Variants in FAR1 observed in about 807,000 individuals in gnomAD.
FAR1 encodes male sterility domain-containing protein 2.
FAR1 carries 22 observed loss-of-function variants against 61.1 expected under a neutral mutation model. The ratio of observed to expected loss-of-function variants is 0.36; its 90% CI spans 0.26 to 0.51. The LOEUF (loss-of-function observed/expected upper bound fraction) is 0.51. Among genes scored for constraint, FAR1 ranks in the 20% least tolerant of loss-of-function variants. FAR1 has a pLI of 0.95. For synonymous variants in FAR1, 206 were observed against 209.7 expected (o/e 0.98, Z 0.15); for missense variants, 359 against 626.9 (o/e 0.57, Z 4.56).
Position 13,691,489 on chromosome 11 carries a change from C to T in FAR1, c.-7-3270C>T, listed in dbSNP as rs539601919. On this transcript the variant is annotated intron_variant, in intron 1 of 11. Transcript: ENST00000354817. ...TCTAGTTCCAAAACATTTCATCATTCGAAAGTAAAACTCCTTAAGCAGTTT... is the reference window on the plus strand; with the variant it reads ...TCTAGTTCCAAAACATTTCATCATTTGAAAGTAAAACTCCTTAAGCAGTTT... Among the ~76,000 whole-genome samples the T allele has an allele frequency of 3.3e-5, 5 of 152,232 alleles. No homozygotes were observed. The East Asian group carries it at 5.8e-4, about 18-fold the overall frequency.
At chr11:13,693,890 T>C (rs1161689569) in intron 1 of FAR1, among the ~76,000 whole-genome samples, 1 of 152,192 alleles carries the variant, frequency 6.6e-6, no homozygotes, top group Non-Finnish European at 1.5e-5. Flanking sequence ...TGGACATAAA[T>C]CACATGTATC....
chr11:13,703,110 TCAGA>T (rs911328221), intron 3 of FAR1, among the ~76,000 whole-genome samples: 13 of 152,214 alleles, frequency 8.5e-5, no homozygotes, highest in Non-Finnish European at 1.5e-4. Flanking sequence ...TAGGTTTGGG[TCAGA>T]CACTCTATAA....
intron 2 of FAR1, among the ~76,000 whole-genome samples, chr11:13,695,356 C>T (rs1168537971): frequency 6.6e-6 from 1 of 152,066 alleles, no homozygotes; most frequent in Non-Finnish European, 1.5e-5. Flanking sequence ...CACTTACTCC[C>T]CCACAACAGT....
chr11:13,711,676 T>C, intron 5 of FAR1, 88 bp from the exon 6 acceptor site: 1 of 962,240 alleles, frequency 1.0e-6, no homozygotes, highest in Admixed American at 2.2e-5. Flanking sequence ...CTACCAAGTA[T>C]ATATTTGGGG....
Position 13,722,740 on chromosome 11 carries a change from G to A in FAR1, c.1257+881G>A, listed in dbSNP as rs572668473. 3.9e-5 allele frequency among the ~76,000 whole-genome samples: 6 copies of A among 152,086 alleles called. No individual in the cohort carries two copies. The South Asian group carries it at 1.2e-3, about 32-fold the overall frequency. ...GATCTGCCCACCTCAGCCTCCCCAA[G>A]TGCTGGGATTACAGGCGTGAGCCAT... On this transcript the variant is annotated intron_variant, in intron 10 of 11. Coordinates refer to ENST00000354817, the MANE Select transcript of FAR1 (RefSeq NM_032228.6).
intron 2 of FAR1, among the ~76,000 whole-genome samples, chr11:13,699,830 T>C (rs1253987949): frequency 1.3e-5 from 2 of 152,226 alleles, no homozygotes; most frequent in East Asian, 3.8e-4. Context: ...TTTTCCTTTT[T>C]AAAAATTTGT....
chr11:13,709,389 G>A (rs773812545), intron 4 of FAR1, among the ~76,000 whole-genome samples: 2 of 151,970 alleles, frequency 1.3e-5, no homozygotes, highest in African/African-American at 4.8e-5. Flanking sequence ...TAATATCTGC[G>A]GGAAAAGTTG....
At chr11:13,712,162 G>T in intron 7 of FAR1, 116 bp downstream of exon 7, 1 of 734,632 alleles carries the variant, frequency 1.4e-6, no homozygotes, top group South Asian at 1.7e-5. Flanking sequence ...CAATATTTAG[G>T]CTGTATCACT....
In FAR1 at chr11:13,727,582, A is replaced by G; in HGVS notation, c.1284A>G (p.Leu428=). The stretch of plus-strand genomic sequence containing the variant: ...CCTTCAATATTGATGTACGGCAGTT[A>G]CATTGGGCAGAATATATAGAGAACT... ...KKTFNIDVRQ[L]HWAEYIENYC... Residue 428 remains leucine, a synonymous_variant, in exon 11 of 12, where the codon TTA becomes TTG. Coordinates refer to ENST00000354817, the MANE Select transcript of FAR1 (RefSeq NM_032228.6). The G allele has an allele frequency of 3.1e-6, 5 of 1,608,848 alleles. No individual in the cohort carries two copies. Among genetic ancestry groups the G allele is most frequent in the Non-Finnish European group, 4.2e-6 (5 of 1,176,984 alleles).
chr11:13,706,291 T>G (rs1028579320), intron 3 of FAR1, among the ~76,000 whole-genome samples: 2 of 152,108 alleles, frequency 1.3e-5, no homozygotes, highest in African/African-American at 4.8e-5. Flanking sequence ...TCTTTTTATT[T>G]GGAAAATGAG....
At chr11:13,692,757 A>C (rs1031346510) in intron 1 of FAR1, among the ~76,000 whole-genome samples, 1 of 152,102 alleles carries the variant, frequency 6.6e-6, no homozygotes, top group Admixed American at 6.5e-5. Flanking sequence ...TCCATTTTCT[A>C]AATGCTTTCA....
At chr11:13,716,900 TCATTTA>T (rs1565351029) in intron 9 of FAR1, among the ~76,000 whole-genome samples, 1 of 151,736 alleles carries the variant, frequency 6.6e-6, no homozygotes, top group Non-Finnish European at 1.5e-5. Flanking sequence ...CATTAACTTG[TCATTTA>T]CATTAGGTAT....
At position 13,698,553 on chromosome 11, in the gene FAR1, C is replaced by T. The variant is rs190219288; in HGVS notation, c.190-1764C>T. Among the ~76,000 whole-genome samples the T allele has an allele frequency of 5.9e-5, 9 of 152,134 alleles. No homozygotes were observed. In the East Asian group the frequency reaches 9.7e-4, roughly 16 times the overall value. ...CTGCTTAAAATCTGTCAATAGCGACCGGGCTGGTGGCTCACGCCTATAATC... is the reference window on the plus strand; with the variant it reads ...CTGCTTAAAATCTGTCAATAGCGACTGGGCTGGTGGCTCACGCCTATAATC... On this transcript the variant is annotated intron_variant, in intron 2 of 11. Transcript: ENST00000354817.
intron 1 of FAR1, among the ~76,000 whole-genome samples, chr11:13,680,339 T>C (rs921586874): frequency 6.6e-6 from 1 of 152,220 alleles, no homozygotes; most frequent in Non-Finnish European, 1.5e-5. Flanking sequence ...GCACTTCTTC[T>C]GCTTCAGCCT....
At chr11:13,703,219 A>G (rs1382827483) in intron 3 of FAR1, among the ~76,000 whole-genome samples, 2 of 152,080 alleles carry the variant, frequency 1.3e-5, no homozygotes, top group Non-Finnish European at 2.9e-5. Flanking sequence ...TCTCACCTTT[A>G]TCGCCCAGGC....
At chr11:13,714,732 T>C in intron 9 of FAR1, 52 bp downstream of exon 9, 1 of 1,501,870 alleles carries the variant, frequency 6.7e-7, no homozygotes, top group Non-Finnish European at 9.0e-7. Flanking sequence ...CAACCCATGC[T>C]TACACTAAAA....
chr11:13,695,003 G>T (rs371461855), intron 2 of FAR1, 49 bp downstream of exon 2: 1 of 1,472,450 alleles, frequency 6.8e-7, no homozygotes, highest in Non-Finnish European at 9.2e-7. Context: ...GCGTGTGCTT[G>T]TGTATATAAT....
chr11:13,698,849 T>TG (rs1848338232), intron 2 of FAR1, among the ~76,000 whole-genome samples: 1 of 152,032 alleles, frequency 6.6e-6, no homozygotes, highest in Non-Finnish European at 1.5e-5. Flanking sequence ...AAAAAAATCT[T>TG]TATCAGTAGT....
intron 1 of FAR1, among the ~76,000 whole-genome samples, chr11:13,687,389 C>CTA (rs1162317128): frequency 6.6e-6 from 1 of 152,208 alleles, no homozygotes. Context: ...TGTGGGAATG[C>CTA]TAATGCTGCA....
Sources: gnomAD v4.1 joint callset for allele counts (sites outside exome capture counted in the v4.1 genomes callset) on GRCh38, gnomAD v4.1.1 for gene constraint, MANE v1.5 for transcripts, NCBI Gene and HGNC (gene_info 2026-07-23, HGNC 2026-07-21) for gene names.